Variants in KLHL29 observed in about 807,000 individuals in gnomAD.
The protein encoded by KLHL29 is kelch like family member 29, also known as kelch-like protein 29.
Under a neutral mutation model 80.4 loss-of-function variants are expected in KLHL29, and 21 were observed. That is an observed-to-expected ratio of 0.26 (90% CI 0.19 to 0.38). The LOEUF is 0.38. Ranked by LOEUF, KLHL29 falls within the 10% of genes least tolerant of loss-of-function variation. KLHL29 has a pLI of 1.00. For missense variants in KLHL29, 867 were observed against 1,223.9 expected, an observed-to-expected ratio of 0.71 and a Z score of 4.35; for synonymous variants, 511 against 526.8, an observed-to-expected ratio of 0.97 and a Z score of 0.41.
At chr2:23,422,858 T>C (rs1225207885) in intron 1 of KLHL29, among the ~76,000 whole-genome samples, 1 of 152,246 alleles carries the variant, frequency 6.6e-6, no homozygotes, top group East Asian at 1.9e-4. Context: ...TCCTGATGGA[T>C]GCCGCTGTGC....
intron 2 of KLHL29, among the ~76,000 whole-genome samples, chr2:23,532,219 G>C (rs983293049): frequency 6.6e-6 from 1 of 152,190 alleles, no homozygotes; most frequent in Non-Finnish European, 1.5e-5. Flanking sequence ...TGTGCTGCCT[G>C]GTCTGAACAT....
chr2:23,687,062 C>T (rs926572748), intron 6 of KLHL29, among the ~76,000 whole-genome samples: 3 of 152,152 alleles, frequency 2.0e-5, no homozygotes, highest in African/African-American at 2.4e-5. Flanking sequence ...CCTTGGCATC[C>T]GTGACCCTGG....
At chr2:23,584,440 G>A (rs1668066921) in intron 3 of KLHL29, among the ~76,000 whole-genome samples, 1 of 152,232 alleles carries the variant, frequency 6.6e-6, no homozygotes, top group Non-Finnish European at 1.5e-5. Context: ...ATCCAAATTT[G>A]GAAAGTATTG....
intron 1 of KLHL29, among the ~76,000 whole-genome samples, chr2:23,469,266 T>C (rs192335484): frequency 6.6e-6 from 1 of 152,286 alleles, no homozygotes; most frequent in East Asian, 1.9e-4. Context: ...CCCACCCACA[T>C]GGTGACCTGG....
At chr2:23,585,593 C>T (rs952717209) in intron 3 of KLHL29, among the ~76,000 whole-genome samples, 2 of 152,064 alleles carry the variant, frequency 1.3e-5, no homozygotes, top group Non-Finnish European at 2.9e-5. Context: ...TGGGTCTCTG[C>T]CAAATCCTAG....
chr2:23,642,243 C>T, intron 4 of KLHL29, 95 bp from the exon 5 acceptor site: 1 of 1,192,914 alleles, frequency 8.4e-7, no homozygotes, highest in African/African-American at 1.5e-5. Context: ...TCGTTCCCCT[C>T]TGTGACCTAG....
At chr2:23,566,145 G>T (rs1427569609) in intron 3 of KLHL29, among the ~76,000 whole-genome samples, 1 of 152,238 alleles carries the variant, frequency 6.6e-6, no homozygotes, top group Non-Finnish European at 1.5e-5. Context: ...GTGGCCTAAA[G>T]ATTCCTCACG....
intron 13 of KLHL29, among the ~76,000 whole-genome samples, chr2:23,704,363 A>G (rs1672583511): frequency 6.6e-6 from 1 of 152,198 alleles, no homozygotes; most frequent in Non-Finnish European, 1.5e-5. Context: ...GAGAAGGTAG[A>G]GGGCTGAGTG....
intron 1 of KLHL29, among the ~76,000 whole-genome samples, chr2:23,419,720 G>A (rs192682313): frequency 4.6e-5 from 7 of 152,306 alleles, no homozygotes; most frequent in African/African-American, 1.4e-4. Flanking sequence ...GCTGAGGCCC[G>A]TGTCGCAGTG....
intron 2 of KLHL29, among the ~76,000 whole-genome samples, chr2:23,524,762 G>A (rs1455222615): frequency 6.6e-6 from 1 of 152,236 alleles, no homozygotes; most frequent in Non-Finnish European, 1.5e-5. Flanking sequence ...GTTTCTGAAG[G>A]ACTTCATGGT....
chr2:23,418,821 TAC>T (rs149806061), intron 1 of KLHL29, among the ~76,000 whole-genome samples: 56 of 152,138 alleles, frequency 3.7e-4, no homozygotes, highest in African/African-American at 1.3e-3. Context: ...AAAGAAAGAC[TAC>T]AGAGCATTGT....
intron 3 of KLHL29, among the ~76,000 whole-genome samples, chr2:23,597,399 ATATATATATTTTTTTTTTTTTTTTTTTT>A (rs1263144833): frequency 1.3e-5 from 1 of 79,740 alleles, no homozygotes; most frequent in Non-Finnish European, 2.3e-5. Context: ...ATATATATAT[ATATATATATTTTTTTTTTTTTTTTTTTT>A]TTTTTTTTTT....
intron 6 of KLHL29, 85 bp from the exon 7 acceptor site, chr2:23,691,589 G>A (rs1353915927): frequency 7.0e-5 from 80 of 1,146,094 alleles, no homozygotes; most frequent in Non-Finnish European, 8.9e-5. Context: ...GCATGACCAA[G>A]GTGTGCAGGG....
At chr2:23,420,484 A>G (rs1415514875) in intron 1 of KLHL29, among the ~76,000 whole-genome samples, 2 of 152,154 alleles carry the variant, frequency 1.3e-5, no homozygotes, top group Non-Finnish European at 2.9e-5. Context: ...GGAGTCCTCC[A>G]TGCGTCTTCA....
chr2:23,607,279 A>C (rs1180919486), intron 3 of KLHL29, among the ~76,000 whole-genome samples: 2 of 152,114 alleles, frequency 1.3e-5, no homozygotes, highest in African/African-American at 4.8e-5. Flanking sequence ...GGGCCTGCAC[A>C]CTGCCCAGAC....
chr2:23,621,209 T>A (rs1386968287), intron 3 of KLHL29, among the ~76,000 whole-genome samples: 1 of 152,200 alleles, frequency 6.6e-6, no homozygotes, highest in Non-Finnish European at 1.5e-5. Flanking sequence ...TGAGGAACTC[T>A]ACAGCAGAGC....
At chr2:23,619,495 C>T (rs574588677) in intron 3 of KLHL29, among the ~76,000 whole-genome samples, 85 of 152,238 alleles carry the variant, frequency 5.6e-4, no homozygotes, top group Non-Finnish European at 1.1e-3. Flanking sequence ...GGGATGAGGG[C>T]ACTGACACTG....
intron 1 of KLHL29, among the ~76,000 whole-genome samples, chr2:23,435,003 A>G (rs935723422): frequency 6.6e-6 from 1 of 152,246 alleles, no homozygotes; most frequent in Non-Finnish European, 1.5e-5. Flanking sequence ...TAAACAAGAC[A>G]TAACTCTGCT....
intron 3 of KLHL29, among the ~76,000 whole-genome samples, chr2:23,632,755 T>C (rs991276726): frequency 3.3e-5 from 5 of 152,260 alleles, no homozygotes; most frequent in African/African-American, 1.2e-4. Flanking sequence ...AGTGCTGGGC[T>C]GAGGACACCA....
Sources: gnomAD v4.1 joint callset for allele counts (sites outside exome capture counted in the v4.1 genomes callset) on GRCh38, gnomAD v4.1.1 for gene constraint, MANE v1.5 for transcripts, NCBI Gene and HGNC (gene_info 2026-07-23, HGNC 2026-07-21) for gene names.